Variants in GMDS observed in about 807,000 individuals in gnomAD.
GMDS encodes GDP-mannose 4,6-dehydratase, also known as GDP-mannose 4,6 dehydratase.
Under a neutral mutation model 49.9 loss-of-function variants are expected in GMDS, and 20 were observed. The ratio of observed to expected loss-of-function variants is 0.40; its 90% confidence interval spans 0.28 to 0.58. GMDS has a LOEUF of 0.58. GMDS is among the 20% of genes least tolerant of loss of function. The pLI is 0.42. For synonymous variants in GMDS, 177 were observed against 178.6 expected (o/e 0.99, Z 0.07); for missense variants, 362 against 481.4 (o/e 0.75, Z 2.32).
rs141873303 is a variant in GMDS, at chr6:1,776,911, T to TG, written c.772-34326dup. 4.8e-3 allele frequency among the ~76,000 whole-genome samples: 729 copies of TG among 152,302 alleles called. 7 individuals are homozygous for TG. Among genetic ancestry groups the TG allele is most frequent in the African/African-American group, 0.017 (702 of 41,552 alleles). ...TTCTCCCCCAAGATCTGCCAAGTCC[T>TG]GGGGGGATGTGGCCCAAACCTCATC... On this transcript the variant is annotated intron_variant, in intron 7 of 10. Coordinates refer to ENST00000380815, the MANE Select transcript of GMDS (RefSeq NM_001500.4).
At chr6:1,711,403 C>T (rs966030786) in intron 9 of GMDS, among the ~76,000 whole-genome samples, 4 of 152,246 alleles carry the variant, frequency 2.6e-5, no homozygotes, top group African/African-American at 7.2e-5. Context: ...ACTAGGGTAG[C>T]CACCCTTGAC....
intron 4 of GMDS, among the ~76,000 whole-genome samples, chr6:2,105,766 G>GT (rs897237174): frequency 2.6e-4 from 39 of 152,244 alleles, no homozygotes; most frequent in East Asian, 1.2e-3. Flanking sequence ...TCAGGAACAG[G>GT]TTTTTTTACC....
intron 7 of GMDS, among the ~76,000 whole-genome samples, chr6:1,902,650 TAGTA>T (rs1281719351): frequency 6.6e-6 from 1 of 152,166 alleles, no homozygotes; most frequent in Non-Finnish European, 1.5e-5. Context: ...GATAAAAAAA[TAGTA>T]AGACGCTATA....
At chr6:2,067,338 C>T (rs1388807602) in intron 4 of GMDS, among the ~76,000 whole-genome samples, 1 of 150,504 alleles carries the variant, frequency 6.6e-6, no homozygotes, top group South Asian at 2.1e-4. Context: ...GACACCCTAA[C>T]ATCACAATTA....
At chr6:2,057,744 G>A (rs1317370346) in intron 4 of GMDS, among the ~76,000 whole-genome samples, 2 of 152,088 alleles carry the variant, frequency 1.3e-5, no homozygotes, top group Admixed American at 6.5e-5. Context: ...CAGAGTACTG[G>A]GGATCAATAT....
chr6:1,882,961 G>C (rs1181915820), intron 7 of GMDS, among the ~76,000 whole-genome samples: 5 of 152,154 alleles, frequency 3.3e-5, no homozygotes, highest in African/African-American at 1.2e-4. Flanking sequence ...AATCTAGCTT[G>C]GTTCCTCATA....
intron 7 of GMDS, among the ~76,000 whole-genome samples, chr6:1,916,997 G>A (rs1311580982): frequency 6.6e-6 from 1 of 151,938 alleles, no homozygotes; most frequent in Non-Finnish European, 1.5e-5. Flanking sequence ...TTAAAGGACT[G>A]CTTAATGTAG....
At chr6:1,781,426 GC>G (rs1159446970) in intron 7 of GMDS, among the ~76,000 whole-genome samples, 1 of 152,210 alleles carries the variant, frequency 6.6e-6, no homozygotes, top group East Asian at 1.9e-4. Context: ...CTGGGCCCTG[GC>G]CTGGGCTTCT....
At chr6:1,741,811 C>CTAA (rs1767282048) in intron 8 of GMDS, among the ~76,000 whole-genome samples, 1 of 23,048 alleles carries the variant, frequency 4.3e-5, no homozygotes, top group Non-Finnish European at 9.6e-5. Flanking sequence ...GACTCTGTCT[C>CTAA]AAAAAAAAAA....
At chr6:2,031,553 G>C (rs960619371) in intron 4 of GMDS, among the ~76,000 whole-genome samples, 1 of 152,130 alleles carries the variant, frequency 6.6e-6, no homozygotes, top group East Asian at 1.9e-4. Context: ...GATACAATCT[G>C]AGATAGGGTG....
chr6:2,136,738 G>A (rs1352072635), intron 1 of GMDS, among the ~76,000 whole-genome samples: 1 of 151,866 alleles, frequency 6.6e-6, no homozygotes, highest in African/African-American at 2.4e-5. Flanking sequence ...CAAAGAAAAT[G>A]TTTGTTATTT....
At chr6:1,953,854 CAT>C (rs1351290622) in intron 6 of GMDS, among the ~76,000 whole-genome samples, 1 of 152,020 alleles carries the variant, frequency 6.6e-6, no homozygotes, top group Non-Finnish European at 1.5e-5. Context: ...ATATTTTCCC[CAT>C]AGTTCACAAC....
intron 1 of GMDS, among the ~76,000 whole-genome samples, chr6:2,181,105 G>A (rs1364509130): frequency 6.8e-6 from 1 of 148,024 alleles, no homozygotes; most frequent in Non-Finnish European, 1.5e-5. Context: ...AACCCGGGTG[G>A]TGGAGCTTGC....
intron 1 of GMDS, among the ~76,000 whole-genome samples, chr6:2,230,873 A>C (rs1187536914): frequency 3.4e-5 from 5 of 145,830 alleles, no homozygotes; most frequent in East Asian, 2.0e-4. Context: ...TCAAAAAAAA[A>C]CCCCAAAACC....
chr6:1,808,830 TATAA>T (rs1205188445), intron 7 of GMDS, among the ~76,000 whole-genome samples: 4 of 152,190 alleles, frequency 2.6e-5, no homozygotes, highest in African/African-American at 7.2e-5. Context: ...ATACTACTGA[TATAA>T]ATGAGTAATT....
intron 6 of GMDS, among the ~76,000 whole-genome samples, chr6:1,933,007 C>A (rs1295651223): frequency 6.6e-6 from 1 of 152,096 alleles, no homozygotes; most frequent in African/African-American, 2.4e-5. Context: ...CAAAAAGAAA[C>A]CCTGTATCAT....
At chr6:1,890,743 C>T (rs1485375456) in intron 7 of GMDS, among the ~76,000 whole-genome samples, 1 of 152,116 alleles carries the variant, frequency 6.6e-6, no homozygotes, top group African/African-American at 2.4e-5. Flanking sequence ...TACCAAAGCC[C>T]ACAATAAATC....
intron 7 of GMDS, among the ~76,000 whole-genome samples, chr6:1,793,902 A>G (rs959610973): frequency 1.3e-5 from 2 of 152,234 alleles, no homozygotes; most frequent in Admixed American, 6.5e-5. Context: ...AGTTTAAAAT[A>G]TAATGTGCTT....
At chr6:2,188,671 T>C (rs2127567103) in intron 1 of GMDS, among the ~76,000 whole-genome samples, 1 of 152,328 alleles carries the variant, frequency 6.6e-6, no homozygotes, top group East Asian at 1.9e-4. Flanking sequence ...AGGAATTTAC[T>C]GTCCCATCAT....
Sources: allele counts gnomAD v4.1 joint callset (sites outside exome capture counted in the v4.1 genomes callset), GRCh38; gene constraint gnomAD v4.1.1; transcripts MANE v1.5; gene names NCBI Gene and HGNC (gene_info 2026-07-23, HGNC 2026-07-21).